NAV1: variants seen among roughly 807,000 people sequenced by gnomAD.
NAV1 encodes neuron navigator 1, also known as pore membrane and/or filament interacting like protein 3.
A neutral mutation model predicts 175.2 loss-of-function variants in NAV1; 18 were observed. The ratio of observed to expected loss-of-function variants is 0.10; its 90% CI spans 0.07 to 0.15. The LOEUF (loss-of-function observed/expected upper bound fraction) is 0.15. NAV1 is among the 10% of genes least tolerant of loss of function. NAV1 has a pLI of 1.00. For synonymous variants in NAV1, 897 were observed against 978.7 expected, an observed-to-expected ratio of 0.92 and a Z score of 1.56; for missense variants, 1,731 against 2,436.6, an observed-to-expected ratio of 0.71 and a Z score of 6.10.
In NAV1 at chr1:201,665,563, C is replaced by T. The variant is rs192226053; in HGVS notation, c.757+16138C>T. On this transcript the variant is annotated intron_variant, in intron 1 of 29. Transcript: ENST00000367296. ...CTACTCTTCCCATCTCAGTCTCTCT[C>T]TGGAGGGGTGAGGGCAAGAGCACCC... Among the ~76,000 whole-genome samples the T allele has an allele frequency of 3.2e-3, 437 of 137,806 alleles. 4 individuals carry two copies. The highest frequency in any genetic ancestry group is 6.0e-3 in the Non-Finnish European group (380 of 63,538). The allele number at this position is 137,806 out of a possible 152,430, so 90.4% of individuals were successfully genotyped here.
chr1:201,545,507 C>T (rs931402569), intron 1 of NAV1, among the ~76,000 whole-genome samples: 3 of 152,162 alleles, frequency 2.0e-5, no homozygotes, highest in Non-Finnish European at 4.4e-5. Flanking sequence ...CTCAAGTGAT[C>T]TGCCTGCCTC....
At chr1:201,574,551 A>G (rs1309795225) in intron 1 of NAV1, among the ~76,000 whole-genome samples, 2 of 152,168 alleles carry the variant, frequency 1.3e-5, no homozygotes, top group African/African-American at 2.4e-5. Context: ...GCTCAACCTC[A>G]TAGAAAAAGA....
At chr1:201,599,365 C>T (rs1049831336) in intron 2 of NAV1, among the ~76,000 whole-genome samples, 2 of 152,228 alleles carry the variant, frequency 1.3e-5, no homozygotes, top group African/African-American at 4.8e-5. Context: ...CTCCCTTTGA[C>T]CTTCACTCTG....
chr1:201,571,547 C>T (rs1666544142), intron 1 of NAV1, among the ~76,000 whole-genome samples: 1 of 152,208 alleles, frequency 6.6e-6, no homozygotes, highest in African/African-American at 2.4e-5. Context: ...GATGAGATCA[C>T]AGACAAAGGG....
chr1:201,555,772 C>T (rs746723552), intron 1 of NAV1, among the ~76,000 whole-genome samples: 24 of 148,282 alleles, frequency 1.6e-4, no homozygotes, highest in Non-Finnish European at 2.8e-4. Flanking sequence ...AAGGTGTTTC[C>T]GAAAGAGAGG....
intron 1 of NAV1, among the ~76,000 whole-genome samples, chr1:201,659,546 G>C (rs912554645): frequency 6.6e-6 from 1 of 152,172 alleles, no homozygotes; most frequent in African/African-American, 2.4e-5. Context: ...CTTGAGCCTA[G>C]GAAGTTGAAA....
At chr1:201,801,618 G>C (rs1204713822) in intron 15 of NAV1, among the ~76,000 whole-genome samples, 1 of 152,172 alleles carries the variant, frequency 6.6e-6, no homozygotes, top group Non-Finnish European at 1.5e-5. Context: ...ACTGAGCCAA[G>C]CCTAAAAAAT....
chr1:201,790,660 A>G (rs761611195), intron 12 of NAV1, 29 bp from the exon 17 acceptor site: 4 of 1,613,814 alleles, frequency 2.5e-6, no homozygotes, highest in South Asian at 1.1e-5. Context: ...TTCTGCAGCC[A>G]GTAGTTTGTA....
chr1:201,772,561 T>C (rs930133442), intron 3 of NAV1, among the ~76,000 whole-genome samples: 1 of 152,236 alleles, frequency 6.6e-6, no homozygotes, highest in African/African-American at 2.4e-5. Context: ...AAGTCATATT[T>C]CTGGATTTTA....
At chr1:201,691,498 T>TA (rs1470404866) in intron 1 of NAV1, among the ~76,000 whole-genome samples, 1 of 152,148 alleles carries the variant, frequency 6.6e-6, no homozygotes, top group Non-Finnish European at 1.5e-5. Flanking sequence ...ATCAAGTACG[T>TA]AAACAAACAA....
chr1:201,782,993 C>G lies in NAV1; in HGVS notation c.2357+124C>G. On this transcript the variant is annotated intron_variant, in intron 6 of 29. Coordinates refer to ENST00000367296, the Ensembl canonical transcript of NAV1. This position sits in a 1 kb window ranked among gnomAD's most constrained non-coding sequence, Gnocchi z 5.4. ...GTTGTCTCTAGGCCTTTGCATGGCT[C>G]TTTCCCACCTCTCCCCCATATGCCA... The G allele has an allele frequency of 1.3e-6, 1 of 765,438 alleles. No homozygotes were observed. The highest frequency in any genetic ancestry group is 2.1e-6 in the Non-Finnish European group (1 of 483,976). 47.4% of individuals were successfully genotyped at this position (765,438 alleles called of 1,614,324 possible). A position where few individuals can be genotyped will look rare whatever the true frequency, so the allele number is the denominator to read the frequency against.
At position 201,743,637 on chromosome 1, in the gene NAV1, A is replaced by G. The variant is rs566821416; in HGVS notation, c.1226+24882A>G. ...TTCCCAGAAGCAAGAGTCTCTCCCAAATTCTTTAGATTTTTTTTTTAGCAT... is the reference window on the plus strand; with the variant it reads ...TTCCCAGAAGCAAGAGTCTCTCCCAGATTCTTTAGATTTTTTTTTTAGCAT... On this transcript the variant is annotated intron_variant, in intron 3 of 29. Coordinates refer to ENST00000367296, the Ensembl canonical transcript of NAV1. 6.6e-5 allele frequency among the ~76,000 whole-genome samples: 10 copies of G among 151,880 alleles called. No homozygotes were observed. In the South Asian group the frequency reaches 1.9e-3, roughly 28 times the overall value.
chr1:201,649,031 C>T (rs764051318), exon 1 of NAV1: 17 of 1,613,524 alleles, frequency 1.1e-5, no homozygotes, highest in Non-Finnish European at 1.3e-5. Context: ...CGCCCAAAGG[C>T]TTAGGCAAGG....
At chr1:201,551,002 T>C (rs1053718460) in intron 1 of NAV1, among the ~76,000 whole-genome samples, 6 of 152,258 alleles carry the variant, frequency 3.9e-5, no homozygotes, top group Non-Finnish European at 5.9e-5. Flanking sequence ...AATGACTTCA[T>C]ATCCATCCTC....
At chr1:201,578,418 G>A (rs1174825808) in intron 1 of NAV1, among the ~76,000 whole-genome samples, 1 of 152,148 alleles carries the variant, frequency 6.6e-6, no homozygotes, top group African/African-American at 2.4e-5. Context: ...GGTTTCCAGG[G>A]GAACTGAGCT....
intron 1 of NAV1, among the ~76,000 whole-genome samples, chr1:201,671,359 C>T (rs1029012985): frequency 2.6e-5 from 4 of 152,086 alleles, no homozygotes; most frequent in South Asian, 2.1e-4. Context: ...TCTTCAAAGC[C>T]GACACCTCCC....
At chr1:201,583,511 ATC>A (rs1424788163) in intron 1 of NAV1, among the ~76,000 whole-genome samples, 3 of 152,214 alleles carry the variant, frequency 2.0e-5, no homozygotes, top group East Asian at 3.8e-4. Context: ...GGAGATAGGA[ATC>A]TCTGAGTGGG....
At chr1:201,805,421 A>G (rs961291456) in intron 17 of NAV1, among the ~76,000 whole-genome samples, 1 of 152,096 alleles carries the variant, frequency 6.6e-6, no homozygotes, top group Non-Finnish European at 1.5e-5. Context: ...GGTAGAGAGG[A>G]ATGTGTTGGG....
At chr1:201,786,029 G>A (rs1434833044) in intron 8 of NAV1, among the ~76,000 whole-genome samples, 2 of 152,036 alleles carry the variant, frequency 1.3e-5, no homozygotes, top group Non-Finnish European at 2.9e-5. Flanking sequence ...CTGACCTCAA[G>A]TGATCCACCC....
Sources: allele counts gnomAD v4.1 joint callset (sites outside exome capture counted in the v4.1 genomes callset), GRCh38; gene constraint gnomAD v4.1.1; non-coding constraint Gnocchi (gnomAD v3.1); transcripts MANE v1.5; gene names NCBI Gene and HGNC (gene_info 2026-07-23, HGNC 2026-07-21).